The following DOCK3 variants were observed in gnomAD, a reference collection of about 807,000 sequenced individuals.
DOCK3 encodes dedicator of cytokinesis 3, also known as dedicator of cytokinesis protein 3.
In DOCK3, 60 loss-of-function variants were observed where a neutral mutation model predicts 265.6. That is an observed-to-expected ratio of 0.23 (90% CI 0.18 to 0.28). The LOEUF is 0.28. Among genes scored for constraint, DOCK3 ranks in the 10% least tolerant of loss-of-function variants. DOCK3 has a pLI of 1.00. For missense variants in DOCK3, 1,981 were observed against 2,594.3 expected (o/e 0.76, Z 5.14); for synonymous variants, 881 against 938.0 (o/e 0.94, Z 1.11).
At chr3:50,977,701 A>G (rs1386564313) in intron 5 of DOCK3, among the ~76,000 whole-genome samples, 2 of 152,028 alleles carry the variant, frequency 1.3e-5, no homozygotes, top group African/African-American at 4.8e-5. Context: ...GCCTTGCTAG[A>G]TTGGGGAAGT....
chr3:51,221,705 A>G (rs2090107023), intron 14 of DOCK3, among the ~76,000 whole-genome samples: 1 of 152,202 alleles, frequency 6.6e-6, no homozygotes, highest in African/African-American at 2.4e-5. Flanking sequence ...CCCAGGCACT[A>G]AGCACTCAAT....
chr3:50,870,610 C>G (rs1047555978), intron 3 of DOCK3, among the ~76,000 whole-genome samples: 28 of 152,150 alleles, frequency 1.8e-4, no homozygotes, highest in Middle Eastern at 3.4e-3. Flanking sequence ...TTCCATTCAG[C>G]ATTATTATTG....
intron 22 of DOCK3, among the ~76,000 whole-genome samples, chr3:51,251,574 G>A (rs991749029): frequency 6.6e-6 from 1 of 152,216 alleles, no homozygotes. Context: ...CAACTAGTGT[G>A]AGATGGTATC....
chr3:50,838,253 T>C (rs1044921841), intron 2 of DOCK3, among the ~76,000 whole-genome samples: 13 of 152,256 alleles, frequency 8.5e-5, no homozygotes, highest in African/African-American at 3.1e-4. Context: ...ATAGAGAACT[T>C]TTGGAGGCAA....
At chr3:51,304,558 T>C (rs1226311722) in intron 27 of DOCK3, among the ~76,000 whole-genome samples, 4 of 152,170 alleles carry the variant, frequency 2.6e-5, no homozygotes, top group Admixed American at 1.3e-4. Context: ...CCGCTGAGAA[T>C]CTGCACAGCT....
chr3:50,773,163 G>T (rs1316718397), intron 1 of DOCK3, among the ~76,000 whole-genome samples: 1 of 151,990 alleles, frequency 6.6e-6, no homozygotes, highest in Admixed American at 6.6e-5. Context: ...TTTGACAAAG[G>T]TGCCAACAAT....
chr3:51,001,017 T>C (rs1251563639), intron 5 of DOCK3, among the ~76,000 whole-genome samples: 1 of 152,224 alleles, frequency 6.6e-6, no homozygotes, highest in Non-Finnish European at 1.5e-5. Flanking sequence ...CTCCATTTGA[T>C]GGACATCCCA....
At position 51,310,204 on chromosome 3, in the gene DOCK3, T is replaced by G. The variant is rs751948144; in HGVS notation, c.2923-28T>G. ...GGAGATGCATATTGTGGTGGTGGTG[T>G]CTCACATCAGCTTTCCTCTGCTGTC... On this transcript the variant is annotated intron_variant, in intron 27 of 52. Transcript: ENST00000266037. The G allele has an allele frequency of 1.9e-6, 3 of 1,558,780 alleles. No homozygotes were observed. In the African/African-American group the frequency reaches 4.1e-5, roughly 21 times the overall value.
intron 1 of DOCK3, among the ~76,000 whole-genome samples, chr3:50,720,612 T>C (rs757015095): frequency 4.6e-5 from 7 of 152,254 alleles, no homozygotes; most frequent in Non-Finnish European, 7.3e-5. Flanking sequence ...CACATGCATA[T>C]GTCTTTATGG....
intron 3 of DOCK3, among the ~76,000 whole-genome samples, chr3:50,857,175 A>T (rs1417009306): frequency 6.6e-6 from 1 of 152,120 alleles, no homozygotes; most frequent in Non-Finnish European, 1.5e-5. Context: ...TTCTAGGATG[A>T]TAATGGTTTA....
At chr3:51,309,071 G>C (rs370509800) in intron 27 of DOCK3, among the ~76,000 whole-genome samples, 5 of 151,052 alleles carry the variant, frequency 3.3e-5, no homozygotes, top group Admixed American at 2.0e-4. Context: ...GGGATGGCGG[G>C]CGGGCAGAGA....
At chr3:51,350,732 TCTC>T (rs1417902925) in intron 40 of DOCK3, among the ~76,000 whole-genome samples, 2 of 152,186 alleles carry the variant, frequency 1.3e-5, no homozygotes, top group Non-Finnish European at 2.9e-5. Context: ...TTGTGACTCT[TCTC>T]AGCCATATAG....
chr3:51,187,288 A>G (rs534148695), intron 12 of DOCK3, among the ~76,000 whole-genome samples: 1 of 152,212 alleles, frequency 6.6e-6, no homozygotes, highest in Non-Finnish European at 1.5e-5. Context: ...TCAGACTTGC[A>G]TGGGGCCTGT....
chr3:50,903,750 T>C (rs2107834112), intron 4 of DOCK3, among the ~76,000 whole-genome samples: 1 of 150,464 alleles, frequency 6.6e-6, no homozygotes, highest in South Asian at 2.1e-4. Flanking sequence ...GTACCAGCTC[T>C]TTTTTTTTAT....
At chr3:51,239,562 TTTTG>T (rs1002230033) in intron 21 of DOCK3, among the ~76,000 whole-genome samples, 2 of 139,594 alleles carry the variant, frequency 1.4e-5, no homozygotes, top group South Asian at 2.6e-4. Context: ...TGGGTTTTTT[TTTTG>T]TTTGTTTGTT....
chr3:50,765,077 T>G (rs2040784647), intron 1 of DOCK3, among the ~76,000 whole-genome samples: 1 of 133,656 alleles, frequency 7.5e-6, no homozygotes, highest in Non-Finnish European at 1.6e-5. Context: ...CTTAGGTTTT[T>G]TTTTTTTTTT....
chr3:51,157,171 C>A (rs2085891102), intron 10 of DOCK3, among the ~76,000 whole-genome samples: 1 of 149,794 alleles, frequency 6.7e-6, no homozygotes, highest in Admixed American at 6.7e-5. Flanking sequence ...TATTTTGTAA[C>A]CTGTTTCATT....
intron 3 of DOCK3, 24 bp from the exon 4 acceptor site, chr3:50,890,002 C>G: frequency 1.4e-6 from 2 of 1,391,846 alleles, no homozygotes; most frequent in Admixed American, 3.7e-5. Context: ...TTTTTTCTAA[C>G]AGGAAATATT....
intron 1 of DOCK3, among the ~76,000 whole-genome samples, chr3:50,728,939 G>T (rs2038010070): frequency 6.7e-6 from 1 of 149,350 alleles, no homozygotes; most frequent in Non-Finnish European, 1.5e-5. Flanking sequence ...GGCCATGCTG[G>T]TCTCAAACTC....
Sources: gnomAD v4.1 joint callset for allele counts (sites outside exome capture counted in the v4.1 genomes callset) on GRCh38, gnomAD v4.1.1 for gene constraint, MANE v1.5 for transcripts, NCBI Gene and HGNC (gene_info 2026-07-23, HGNC 2026-07-21) for gene names.